Variants in CELF4 observed in about 807,000 individuals in gnomAD.
CELF4 encodes CUGBP Elav-like family member 4.
In CELF4, 18 loss-of-function variants were observed where a neutral mutation model predicts 59.9. That is an observed-to-expected ratio of 0.30 (90% CI 0.21 to 0.45). CELF4 has a LOEUF of 0.45. Ranked by LOEUF, CELF4 falls within the 20% of genes least tolerant of loss-of-function variation. The probability of loss-of-function intolerance (pLI) is 1.00; values close to 1 mark genes in which losing one functional copy is unlikely to be tolerated. For missense variants in CELF4, 456 were observed against 689.0 expected (o/e 0.66, Z 3.79); for synonymous variants, 261 against 267.1 (o/e 0.98, Z 0.22).
chr18:37,536,783 G>A (rs531019984), intron 1 of CELF4, among the ~76,000 whole-genome samples: 5 of 152,262 alleles, frequency 3.3e-5, no homozygotes, highest in South Asian at 2.1e-4. Flanking sequence ...CCACAGGCTC[G>A]TGTGCAGGCG....
At chr18:37,321,432 T>G (rs1791487) in intron 3 of CELF4, among the ~76,000 whole-genome samples, 31,574 of 152,164 alleles carry the variant, frequency 0.21, 3,341 homozygotes, top group Non-Finnish European at 0.22. Context: ...AGCACAGCTG[T>G]GACCACTTCT....
At chr18:37,487,101 C>T (rs2099882856) in intron 1 of CELF4, among the ~76,000 whole-genome samples, 1 of 152,180 alleles carries the variant, frequency 6.6e-6, no homozygotes, top group African/African-American at 2.4e-5. Flanking sequence ...CAGTATGGTA[C>T]CTATGTCAGC....
At chr18:37,435,996 G>A (rs577820341) in intron 2 of CELF4, among the ~76,000 whole-genome samples, 3 of 152,150 alleles carry the variant, frequency 2.0e-5, no homozygotes, top group Non-Finnish European at 4.4e-5. Context: ...TGCAGGGCCC[G>A]CACCTCTCTG....
At chr18:37,354,006 C>T (rs923297350) in intron 2 of CELF4, among the ~76,000 whole-genome samples, 3 of 152,062 alleles carry the variant, frequency 2.0e-5, no homozygotes, top group African/African-American at 7.2e-5. Flanking sequence ...CTGCCCGCCT[C>T]GGCCTCCCAA....
At chr18:37,329,050 C>A (rs1264555115) in intron 2 of CELF4, among the ~76,000 whole-genome samples, 4 of 152,168 alleles carry the variant, frequency 2.6e-5, no homozygotes, top group Non-Finnish European at 4.4e-5. Flanking sequence ...AAATTATTAG[C>A]ACAGACTTTA....
intron 1 of CELF4, among the ~76,000 whole-genome samples, chr18:37,564,228 T>G (rs939710984): frequency 1.3e-5 from 2 of 152,192 alleles, no homozygotes; most frequent in African/African-American, 4.8e-5. Context: ...AGAAAGCATT[T>G]AACTTGCCCA....
At chr18:37,507,447 G>T (rs529229437) in intron 1 of CELF4, among the ~76,000 whole-genome samples, 1 of 152,164 alleles carries the variant, frequency 6.6e-6, no homozygotes, top group African/African-American at 2.4e-5. Context: ...GGCCTCCAGC[G>T]TCTCTGTTTC....
At chr18:37,395,300 C>T (rs899020760) in intron 2 of CELF4, among the ~76,000 whole-genome samples, 5 of 152,082 alleles carry the variant, frequency 3.3e-5, no homozygotes, top group Non-Finnish European at 4.4e-5. Flanking sequence ...TCCTCCTGCA[C>T]TACTTCATTT....
In CELF4 at chr18:37,496,351, G is replaced by GTTGA. The variant is rs1356705282; in HGVS notation, c.287-10748_287-10745dup. Among the ~76,000 whole-genome samples, 15 of 152,314 alleles carry GTTGA rather than the reference G, an allele frequency of 9.8e-5. No individual in the cohort carries two copies. The East Asian group carries it at 2.7e-3, about 28-fold the overall frequency. ...GATGGGGTTTCATAAGAGTAGCTGGGTTGAGCTGAACAAAATTCAGGAGGG... is the reference window on the plus strand; with the variant it reads ...GATGGGGTTTCATAAGAGTAGCTGGGTTGATTGAGCTGAACAAAATTCAGGAGGG... On this transcript the variant is annotated intron_variant, in intron 1 of 12. Transcript: ENST00000420428.
intron 2 of CELF4, among the ~76,000 whole-genome samples, chr18:37,475,765 A>G (rs1248018426): frequency 6.6e-6 from 1 of 152,196 alleles, no homozygotes; most frequent in Non-Finnish European, 1.5e-5. Context: ...AGCCTCCTCC[A>G]TCTCCAGACA....
intron 2 of CELF4, among the ~76,000 whole-genome samples, chr18:37,428,731 G>T (rs1295799845): frequency 6.6e-6 from 1 of 152,188 alleles, no homozygotes; most frequent in Non-Finnish European, 1.5e-5. Context: ...AGGAAGACCT[G>T]AAGGAGACTA....
intron 1 of CELF4, among the ~76,000 whole-genome samples, chr18:37,488,532 A>G (rs2099887231): frequency 6.6e-6 from 1 of 152,190 alleles, no homozygotes; most frequent in African/African-American, 2.4e-5. Flanking sequence ...CTGGACTTCT[A>G]TAGTGGTGGC....
chr18:37,271,072 C>A (rs1397993928), intron 7 of CELF4, among the ~76,000 whole-genome samples, 155 bp from the exon 8 acceptor site: 1 of 152,212 alleles, frequency 6.6e-6, no homozygotes, highest in African/African-American at 2.4e-5. Context: ...ATGACCCATG[C>A]CTTGGCTTAT....
intron 1 of CELF4, among the ~76,000 whole-genome samples, chr18:37,553,239 T>C (rs961930130): frequency 1.3e-5 from 2 of 152,194 alleles, no homozygotes; most frequent in Non-Finnish European, 2.9e-5. Context: ...AAGCCAGTCA[T>C]ACTCTGTGTC....
intron 2 of CELF4, among the ~76,000 whole-genome samples, chr18:37,373,837 C>T (rs902415785): frequency 5.3e-5 from 8 of 152,174 alleles, no homozygotes; most frequent in South Asian, 2.1e-4. Flanking sequence ...GTGAGAGGCC[C>T]AGGTGGGCAG....
At chr18:37,331,185 A>G (rs1476145914) in intron 2 of CELF4, among the ~76,000 whole-genome samples, 2 of 151,900 alleles carry the variant, frequency 1.3e-5, no homozygotes, top group Admixed American at 1.3e-4. Flanking sequence ...TCTTCCCCCA[A>G]CGCCCTGTCC....
At chr18:37,291,631 A>G (rs1444607339) in intron 3 of CELF4, among the ~76,000 whole-genome samples, 1 of 152,178 alleles carries the variant, frequency 6.6e-6, no homozygotes, top group Non-Finnish European at 1.5e-5. Flanking sequence ...GGGCCTGGGC[A>G]TGAGGCCACG....
intron 2 of CELF4, among the ~76,000 whole-genome samples, chr18:37,348,616 A>G (rs1237004574): frequency 2.0e-5 from 3 of 151,888 alleles, no homozygotes; most frequent in Admixed American, 1.3e-4. Context: ...GTGGGGTGGG[A>G]CGGTGGGGGG....
At chr18:37,543,178 G>T (rs1335078513) in intron 1 of CELF4, among the ~76,000 whole-genome samples, 2 of 152,166 alleles carry the variant, frequency 1.3e-5, no homozygotes, top group Non-Finnish European at 2.9e-5. Context: ...ACATCATAGG[G>T]TTAGAGGCTG....
Sources: gnomAD v4.1 joint callset for allele counts (sites outside exome capture counted in the v4.1 genomes callset) on GRCh38, gnomAD v4.1.1 for gene constraint, MANE v1.5 for transcripts, NCBI Gene and HGNC (gene_info 2026-07-23, HGNC 2026-07-21) for gene names.